Variants in PIK3IP1 observed in about 807,000 individuals in gnomAD.
PIK3IP1 encodes phosphoinositide-3-kinase interacting protein 1.
Under a neutral mutation model 30.7 loss-of-function variants are expected in PIK3IP1, and 28 were observed. That is an observed-to-expected ratio of 0.91 (90% CI 0.68 to 1.25). The LOEUF (loss-of-function observed/expected upper bound fraction) is 1.25, where lower values mean the gene tolerates loss of function less well. Among genes scored for constraint, PIK3IP1 ranks in the 50% most tolerant of loss-of-function variants. The pLI, the probability that PIK3IP1 is intolerant of heterozygous loss-of-function variation, is 0.00. For missense variants in PIK3IP1, 333 were observed against 346.2 expected, an observed-to-expected ratio of 0.96 and a Z score of 0.30; for synonymous variants, 159 against 140.8, an observed-to-expected ratio of 1.13 and a Z score of -0.91.
intron 2 of PIK3IP1, 28 bp downstream of exon 2, chr22:31,291,152 C>G (rs1018414259): frequency 5.2e-6 from 8 of 1,538,946 alleles, no homozygotes; most frequent in South Asian, 1.2e-5. Context: ...CCCGCCAGCC[C>G]CGGGGCCGTC....
intron 5 of PIK3IP1, among the ~76,000 whole-genome samples, chr22:31,286,940 A>C (rs942270797): frequency 1.3e-5 from 2 of 152,020 alleles, no homozygotes; most frequent in African/African-American, 2.4e-5. Flanking sequence ...ATGTCCTCTC[A>C]AGTCAATACT....
rs552959715 is a variant in PIK3IP1 at position 31,292,028 on chromosome 22, C to T, written c.70+247G>A. Among the ~76,000 whole-genome samples the T allele has an allele frequency of 3.9e-5, 6 of 152,286 alleles. No homozygotes were observed. In the South Asian group the frequency reaches 8.3e-4, roughly 21 times the overall value. ...GACTTGGGGAGTAGGGGAGATGAAC[C>T]CCCAAGCTCCATCCACTCATGAGCA... On this transcript the variant is annotated intron_variant, in intron 1 of 5. Transcript: ENST00000215912.
At chr22:31,290,830 C>T in intron 3 of PIK3IP1, 135 bp downstream of exon 3, 1 of 1,293,672 alleles carries the variant, frequency 7.7e-7, no homozygotes, top group Non-Finnish European at 1.0e-6. Context: ...GGCCTGGAGA[C>T]AGCCCTGGCC....
At chr22:31,291,128 G>C (rs780283565) in intron 2 of PIK3IP1, 44 bp from the exon 3 acceptor site, 5 of 1,537,584 alleles carry the variant, frequency 3.3e-6, no homozygotes, top group South Asian at 2.4e-5. Context: ...CTGGCACCGG[G>C]AACGCGGCCG....
intron 3 of PIK3IP1, chr22:31,289,941 T>TCTCC: frequency 2.0e-6 from 1 of 501,106 alleles, no homozygotes; most frequent in Non-Finnish European, 3.6e-6. Flanking sequence ...ACCTCCCACG[T>TCTCC]CTTTATCTGT....
chr22:31,291,534 G>A (rs1232425740), intron 1 of PIK3IP1, among the ~76,000 whole-genome samples: 17 of 139,924 alleles, frequency 1.2e-4, no homozygotes, highest in African/African-American at 4.5e-4. Flanking sequence ...CTGTCCCCCA[G>A]TCAACGCTCA....
chr22:31,283,486 T>C (rs1388654913), intron 5 of PIK3IP1, among the ~76,000 whole-genome samples, 198 bp from the exon 6 acceptor site: 1 of 152,098 alleles, frequency 6.6e-6, no homozygotes, highest in African/African-American at 2.4e-5. Context: ...AACAAGAAGC[T>C]CCTGCACCTC....
At position 31,283,008 on chromosome 22, in the gene PIK3IP1, G is replaced by A; in HGVS notation, c.*76C>T. 1.7e-6 allele frequency: 2 copies of A among 1,158,172 alleles called. No homozygotes were observed. Among genetic ancestry groups the A allele is most frequent in the Non-Finnish European group, 2.5e-6 (2 of 814,324 alleles). 71.7% of individuals were successfully genotyped at this position (1,158,172 alleles called of 1,614,324 possible). ...TAGGGTTTTAACCAGAACACAAAGT[G>A]GTAGTTCCTCCTAGCTGTAGGAGGG... On this transcript the variant is annotated 3_prime_UTR_variant, in exon 6 of 6. Coordinates refer to ENST00000215912, the MANE Select transcript of PIK3IP1 (RefSeq NM_052880.5).
intron 5 of PIK3IP1, among the ~76,000 whole-genome samples, chr22:31,283,683 C>G (rs7288643): frequency 5.3e-5 from 8 of 151,466 alleles, no homozygotes; most frequent in Admixed American, 3.3e-4. Flanking sequence ...CTCCCACCCC[C>G]CAAAGTACTG....
At chr22:31,286,798 T>A (rs1008772438) in intron 5 of PIK3IP1, among the ~76,000 whole-genome samples, 2 of 152,170 alleles carry the variant, frequency 1.3e-5, no homozygotes, top group African/African-American at 4.8e-5. Flanking sequence ...TCAGCCAATG[T>A]GGCTTAGGTC....
At chr22:31,287,702 A>G (rs907660859) in intron 5 of PIK3IP1, among the ~76,000 whole-genome samples, 1 of 152,142 alleles carries the variant, frequency 6.6e-6, no homozygotes, top group Non-Finnish European at 1.5e-5. Context: ...TGAGCTAAGT[A>G]GTCAAAAGCC....
At position 31,283,075 on chromosome 22, in the gene PIK3IP1, T is replaced by TG. The variant is rs772451031; in HGVS notation, c.*8dup. The TG allele has an allele frequency of 2.8e-5, 44 of 1,581,048 alleles. No individual in the cohort carries two copies. The highest frequency in any genetic ancestry group is 1.6e-4 in the East Asian group (7 of 43,884). Reference sequence around the variant, plus strand: ...AGTGTCTGCATGGGCTCCTGCCCACTGGGGGGGCTCAGGCCCCAGGAGTCC... The same window carrying TG: ...AGTGTCTGCATGGGCTCCTGCCCACTGGGGGGGGCTCAGGCCCCAGGAGTCC... On this transcript the variant is annotated 3_prime_UTR_variant, in exon 6 of 6. Coordinates refer to ENST00000215912, the MANE Select transcript of PIK3IP1 (RefSeq NM_052880.5).
rs1054858335 is a variant in PIK3IP1, at chr22:31,289,614, G to A, written c.393C>T (p.Phe131=). Residue 131 remains phenylalanine, a synonymous_variant, in exon 4 of 6, where the codon TTC becomes TTT. Coordinates refer to ENST00000215912, the MANE Select transcript of PIK3IP1 (RefSeq NM_052880.5). ...GAGCGGGCAGGGCGTTGGCAGGAGC[G>A]AACACCTGCACCTCATCTGCACCTG... ...EGPGADEVQV[F]APANALPARS... 4.5e-6 allele frequency: 7 copies of A among 1,557,610 alleles called. No homozygotes were observed. In the African/African-American group the frequency reaches 6.8e-5, roughly 15 times the overall value.
intron 5 of PIK3IP1, among the ~76,000 whole-genome samples, chr22:31,283,910 C>G (rs2049110995): frequency 6.8e-6 from 1 of 147,482 alleles, no homozygotes; most frequent in Admixed American, 6.8e-5. Context: ...CAGCTACAGG[C>G]TTTTTTTTTT....
chr22:31,291,452 A>ACCCCCCCCCCCCCCCCC (rs2049178179), intron 1 of PIK3IP1, among the ~76,000 whole-genome samples, 156 bp from the exon 2 acceptor site: 1 of 105,464 alleles, frequency 9.5e-6, no homozygotes, highest in Admixed American at 9.9e-5. Context: ...TCGTGGCAAC[A>ACCCCCCCCCCCCCCCCC]CCCCCACGCC....
intron 5 of PIK3IP1, among the ~76,000 whole-genome samples, chr22:31,286,882 C>A (rs2049134461): frequency 6.6e-6 from 1 of 152,202 alleles, no homozygotes; most frequent in African/African-American, 2.4e-5. Flanking sequence ...CCTGGACCTG[C>A]ATGTCAAGCA....
At chr22:31,283,322 A>C (rs758897362) in intron 5 of PIK3IP1, 34 bp from the exon 6 acceptor site, 9 of 1,609,828 alleles carry the variant, frequency 5.6e-6, no homozygotes, top group Non-Finnish European at 7.6e-6. Flanking sequence ...CATTCAGGCT[A>C]TGCCTCCTGC....
At chr22:31,290,067 G>C in intron 3 of PIK3IP1, 1 of 201,982 alleles carries the variant, frequency 5.0e-6, no homozygotes, top group South Asian at 8.9e-5. Flanking sequence ...ACATCTAAGC[G>C]TACGCTCTGT....
rs186406268 is a variant in PIK3IP1 at position 31,281,992 on chromosome 22, G to C, written c.*1092C>G. 7 of 152,496 alleles carry C rather than the reference G, an allele frequency of 4.6e-5. No individual in the cohort carries two copies. Among genetic ancestry groups the C allele is most frequent in the African/African-American group, 1.7e-4 (7 of 41,590 alleles). 9.4% of individuals were successfully genotyped at this position (152,496 alleles called of 1,614,324 possible). On this transcript the variant is annotated 3_prime_UTR_variant, in exon 6 of 6. Coordinates refer to ENST00000215912, the MANE Select transcript of PIK3IP1 (RefSeq NM_052880.5). ...CTTGCCATGCCAGTAGCTTGCTTAC[G>C]ACCTTGGGCAAGTCACTTTTTCCTC...
Sources: gnomAD v4.1 joint callset for allele counts (sites outside exome capture counted in the v4.1 genomes callset) on GRCh38, gnomAD v4.1.1 for gene constraint, MANE v1.5 for transcripts, NCBI Gene and HGNC (gene_info 2026-07-23, HGNC 2026-07-21) for gene names.